The following COMMD10 variants were observed in gnomAD, a reference collection of about 807,000 sequenced individuals.
COMMD10 encodes COMM domain containing 10, also known as COMM domain-containing protein 10.
Under a neutral mutation model 28.9 loss-of-function variants are expected in COMMD10, and 33 were observed. The observed-to-expected ratio is 1.14, with a 90% CI of 0.87 to 1.53. COMMD10 has a LOEUF of 1.53. Ranked by LOEUF, COMMD10 falls within the 40% of genes most tolerant of loss-of-function variation. The pLI is 0.00. For missense variants in COMMD10, 310 were observed against 233.4 expected (o/e 1.33, Z -2.14); for synonymous variants, 110 against 81.7 (o/e 1.35, Z -1.87).
At chr5:116,232,293 G>A (rs1341487311) in intron 5 of COMMD10, among the ~76,000 whole-genome samples, 1 of 151,904 alleles carries the variant, frequency 6.6e-6, no homozygotes, top group African/African-American at 2.4e-5. Context: ...TTAAAAGTGG[G>A]GGCCCAATAA....
chr5:116,228,271 T>C (rs6881056), intron 5 of COMMD10, among the ~76,000 whole-genome samples: 1,566 of 152,052 alleles, frequency 0.01, 35 homozygotes, highest in African/African-American at 0.035. Context: ...AAATGAAATA[T>C]AGTGCAACGT....
rs372722098 is a variant in COMMD10, at chr5:116,085,027, A to G, written c.-26A>G. 79 of 1,601,366 alleles carry G rather than the reference A, an allele frequency of 4.9e-5. No individual in the cohort carries two copies. Among genetic ancestry groups the G allele is most frequent in the East Asian group, 2.0e-4 (9 of 44,376 alleles). ...TGGCTGGGTTCGGCGCAGCTAACAG[A>G]CGGCGGCAGTGCGAGAAAGCCGAAG... On this transcript the variant is annotated 5_prime_UTR_variant, in exon 1 of 7. Coordinates refer to ENST00000274458, the MANE Select transcript of COMMD10 (RefSeq NM_016144.4).
rs1750040450 is a variant in COMMD10, at chr5:116,085,036, G to A, written c.-17G>A. On this transcript the variant is annotated 5_prime_UTR_variant, in exon 1 of 7. In the 5' UTR this introduces an upstream ATG that the reference lacks. Transcript: ENST00000274458. ...TCGGCGCAGCTAACAGACGGCGGCA[G>A]TGCGAGAAAGCCGAAGATGGCGGTC... 4 of 1,604,822 alleles carry A rather than the reference G, an allele frequency of 2.5e-6. No individual in the cohort carries two copies. The highest frequency in any genetic ancestry group is 3.4e-6 in the Non-Finnish European group (4 of 1,177,396).
chr5:116,158,966 G>A (rs1752830435), intron 5 of COMMD10, among the ~76,000 whole-genome samples: 2 of 151,882 alleles, frequency 1.3e-5, no homozygotes, highest in Admixed American at 1.3e-4. Flanking sequence ...GAGGGTCTAG[G>A]TCACCATGTT....
chr5:116,177,214 AG>A (rs1269106980), intron 5 of COMMD10, among the ~76,000 whole-genome samples: 1 of 152,046 alleles, frequency 6.6e-6, no homozygotes, highest in Non-Finnish European at 1.5e-5. Flanking sequence ...GAAACTTGGG[AG>A]GGGTTGATTG....
intron 5 of COMMD10, among the ~76,000 whole-genome samples, chr5:116,190,922 A>G (rs1748349164): frequency 6.6e-6 from 1 of 152,222 alleles, no homozygotes; most frequent in Admixed American, 6.5e-5. Flanking sequence ...TTTAAAAGTC[A>G]AATTAAACAT....
At chr5:116,273,903 C>T (rs1429414888) in intron 5 of COMMD10, among the ~76,000 whole-genome samples, 3 of 151,510 alleles carry the variant, frequency 2.0e-5, no homozygotes, top group African/African-American at 7.3e-5. Flanking sequence ...TTTGAGGGTA[C>T]AATTTACTTT....
chr5:116,276,351 C>G (rs1447552143), intron 5 of COMMD10, among the ~76,000 whole-genome samples: 1 of 151,654 alleles, frequency 6.6e-6, no homozygotes, highest in Non-Finnish European at 1.5e-5. Context: ...CTCCCAGGTT[C>G]AAGCAATTCT....
intron 5 of COMMD10, among the ~76,000 whole-genome samples, chr5:116,165,077 AAGTTTCTGACATATC>A (rs1753045939): frequency 6.6e-6 from 1 of 152,162 alleles, no homozygotes; most frequent in Admixed American, 6.6e-5. Flanking sequence ...TATCCCTCTC[AAGTTTCTGACATATC>A]CTTATGCTGT....
chr5:116,130,163 T>C (rs1401557814), intron 4 of COMMD10, among the ~76,000 whole-genome samples: 1 of 151,868 alleles, frequency 6.6e-6, no homozygotes, highest in Non-Finnish European at 1.5e-5. Context: ...ACTCTTTAAT[T>C]TATTTCAATT....
chr5:116,250,643 T>G (rs909380720), intron 5 of COMMD10, among the ~76,000 whole-genome samples: 1 of 151,618 alleles, frequency 6.6e-6, no homozygotes, highest in African/African-American at 2.4e-5. Context: ...TTCAAGAAAT[T>G]ACTAGGAGAA....
At chr5:116,185,239 T>TA (rs11454906) in intron 5 of COMMD10, among the ~76,000 whole-genome samples, 6 of 151,840 alleles carry the variant, frequency 4.0e-5, no homozygotes, top group African/African-American at 1.5e-4. Flanking sequence ...TTTACTTTTT[T>TA]TTCAGTTTGA....
intron 5 of COMMD10, among the ~76,000 whole-genome samples, chr5:116,286,415 T>G (rs1047557716): frequency 1.4e-5 from 2 of 144,270 alleles, no homozygotes; most frequent in Non-Finnish European, 1.5e-5. Flanking sequence ...GACCTTAGGG[T>G]TTTTTTTTTT....
chr5:116,164,468 G>T lies in COMMD10; in HGVS notation c.510+30290G>T, dbSNP rs77112824. 7.1e-3 allele frequency among the ~76,000 whole-genome samples: 1,087 copies of T among 152,226 alleles called. 8 individuals are homozygous for T. Among genetic ancestry groups the T allele is most frequent in the Admixed American group, 0.011 (164 of 15,286 alleles). ...GTAATTCTATAATTAATTTTTCATT[G>T]GTTTAGAGAAGTCTTCTCAGTGAGC... is the stretch of plus-strand genomic sequence containing the variant. On this transcript the variant is annotated intron_variant, in intron 5 of 6. Transcript: ENST00000274458.
intron 5 of COMMD10, among the ~76,000 whole-genome samples, chr5:116,283,223 C>T (rs1183312599): frequency 1.3e-5 from 2 of 151,882 alleles, no homozygotes; most frequent in Non-Finnish European, 2.9e-5. Flanking sequence ...AAAACGATGA[C>T]AGCAATAAAA....
intron 4 of COMMD10, among the ~76,000 whole-genome samples, chr5:116,094,293 G>A (rs147746489): frequency 2.5e-3 from 388 of 152,254 alleles, no homozygotes; most frequent in Non-Finnish European, 4.4e-3. Flanking sequence ...TTAATATCCA[G>A]AATATACAAG....
chr5:116,184,844 G>A (rs546021818), intron 5 of COMMD10, among the ~76,000 whole-genome samples: 8 of 152,170 alleles, frequency 5.3e-5, no homozygotes, highest in African/African-American at 1.7e-4. Context: ...AATCTTGGAG[G>A]CAATGTAATA....
At chr5:116,193,923 T>C (rs10071141) in intron 5 of COMMD10, among the ~76,000 whole-genome samples, 46,213 of 151,952 alleles carry the variant, frequency 0.3, 9,469 homozygotes, top group African/African-American at 0.59. Context: ...GGCCATAAAA[T>C]GAGCCTCAAT....
intron 4 of COMMD10, among the ~76,000 whole-genome samples, chr5:116,126,243 A>C (rs970374597): frequency 6.6e-6 from 1 of 152,146 alleles, no homozygotes; most frequent in African/African-American, 2.4e-5. Context: ...CTTCAAGGAG[A>C]ACTACAAACC....
Sources: allele counts gnomAD v4.1 joint callset (sites outside exome capture counted in the v4.1 genomes callset), GRCh38; gene constraint gnomAD v4.1.1; transcripts MANE v1.5; gene names NCBI Gene and HGNC (gene_info 2026-07-23, HGNC 2026-07-21).